Variants in GNAO1 observed in about 807,000 individuals in gnomAD.
GNAO1 encodes the protein G protein subunit alpha o1, also known as guanine nucleotide-binding protein G(o) subunit alpha.
For synonymous variants in GNAO1, 164 were observed against 180.7 expected (o/e 0.91, Z 0.74); for missense variants, 166 against 478.7 (o/e 0.35, Z 6.10).
chr16:56,216,590 G>GT (rs2036438823), intron 2 of GNAO1, among the ~76,000 whole-genome samples: 1 of 152,204 alleles, frequency 6.6e-6, no homozygotes, highest in South Asian at 2.1e-4. Flanking sequence ...CCACCTTGGG[G>GT]TTTTTTACCC....
chr16:56,192,531 G>A (rs777412763), intron 1 of GNAO1, 43 bp from the exon 2 acceptor site: 1 of 1,281,480 alleles, frequency 7.8e-7, no homozygotes, highest in Non-Finnish European at 1.1e-6. Context: ...GTTCCCTTAA[G>A]CTGACACTCA....
At chr16:56,349,484 CG>C (rs1371643105) in intron 6 of GNAO1, among the ~76,000 whole-genome samples, 1 of 152,218 alleles carries the variant, frequency 6.6e-6, no homozygotes, top group Admixed American at 6.5e-5. Context: ...CAGAAGCCTC[CG>C]GCTGCCCTTT....
chr16:56,355,977 GTGC>G (rs2037964537), intron 8 of GNAO1, 123 bp from the exon 9 acceptor site: 1 of 152,280 alleles, frequency 6.6e-6, no homozygotes, highest in Non-Finnish European at 1.5e-5. Context: ...CTGACCCCTC[GTGC>G]TGCTGCCCCA....
At chr16:56,312,535 T>C (rs1306293812) in intron 3 of GNAO1, among the ~76,000 whole-genome samples, 1 of 152,226 alleles carries the variant, frequency 6.6e-6, no homozygotes, top group East Asian at 1.9e-4. Flanking sequence ...CTCAGCCAGC[T>C]CTGACCCCTG....
rs369490809 is a variant in GNAO1, at chr16:56,328,648, G to A, written c.321G>A (p.Val107=). ...CCTCACAGGCTGACGCCAAGATGGTGTGTGATGTGGTGAGTCGGATGGAAG... is the reference window on the plus strand; with the variant it reads ...CCTCACAGGCTGACGCCAAGATGGTATGTGATGTGGTGAGTCGGATGGAAG... ...DKERKADAKM[V]CDVVSRMEDT... is the part of the protein sequence containing the mutation. Residue 107 remains valine, a synonymous_variant, in exon 4 of 9, where the codon GTG becomes GTA. Coordinates refer to ENST00000262493, the MANE Select transcript of GNAO1 (RefSeq NM_020988.3). 1.2e-6 allele frequency: 2 copies of A among 1,614,062 alleles called. No homozygotes were observed. Among genetic ancestry groups the A allele is most frequent in the Admixed American group, 3.3e-5 (2 of 60,012 alleles).
chr16:56,235,355 G>T (rs1174937716), intron 2 of GNAO1: 1 of 456,092 alleles, frequency 2.2e-6, no homozygotes, highest in South Asian at 1.5e-5. Flanking sequence ...AACAGATGAA[G>T]AAGTTGAATC....
chr16:56,340,650 A>C, intron 6 of GNAO1: 2 of 644,502 alleles, frequency 3.1e-6, no homozygotes, highest in Non-Finnish European at 5.5e-6. Flanking sequence ...TGTGGAATGA[A>C]ACAGGACCAC....
chr16:56,249,568 G>T (rs2036780935), intron 2 of GNAO1, among the ~76,000 whole-genome samples: 1 of 152,122 alleles, frequency 6.6e-6, no homozygotes, highest in African/African-American at 2.4e-5. Flanking sequence ...TTGTGTCAAG[G>T]AGCCACTGGC....
At position 56,283,577 on chromosome 16, in the gene GNAO1, C is replaced by T. The variant is rs560195386; in HGVS notation, c.303+7505C>T. Among the ~76,000 whole-genome samples, 6 of 152,256 alleles carry T rather than the reference C, an allele frequency of 3.9e-5. No homozygotes were observed. The East Asian group carries it at 5.8e-4, about 15-fold the overall frequency. ...GTGGTGCCACCTCTACAGTGCAGTG[C>T]GGTTCACCTTGTGGTTTGCATGAAT... On this transcript the variant is annotated intron_variant, in intron 3 of 8. Coordinates refer to ENST00000262493, the MANE Select transcript of GNAO1 (RefSeq NM_020988.3).
intron 2 of GNAO1, among the ~76,000 whole-genome samples, chr16:56,223,797 A>G (rs2143375189): frequency 6.6e-6 from 1 of 152,320 alleles, no homozygotes; most frequent in South Asian, 2.1e-4. Flanking sequence ...TAAGACTTTG[A>G]GTAACTCACC....
At chr16:56,233,943 G>C (rs911864630) in intron 2 of GNAO1, among the ~76,000 whole-genome samples, 1 of 152,168 alleles carries the variant, frequency 6.6e-6, no homozygotes, top group African/African-American at 2.4e-5. Flanking sequence ...AAAATAAACA[G>C]CCCAGATGCT....
Position 56,277,950 on chromosome 16 carries a change from C to G in GNAO1, c.303+1878C>G, listed in dbSNP as rs538948108. Among the ~76,000 whole-genome samples, 3 of 152,304 alleles carry G rather than the reference C, an allele frequency of 2.0e-5. No homozygotes were observed. In the South Asian group the frequency reaches 6.2e-4, roughly 32 times the overall value. ...GCAAAGTCAGTGTGGCTTTGGAATA[C>G]TTTTCTCCTTCCATTTTGGAAAACA... On this transcript the variant is annotated intron_variant, in intron 3 of 8. Coordinates refer to ENST00000262493, the MANE Select transcript of GNAO1 (RefSeq NM_020988.3).
chr16:56,295,887 C>T (rs1331897919), intron 3 of GNAO1, among the ~76,000 whole-genome samples: 2 of 152,236 alleles, frequency 1.3e-5, no homozygotes, highest in Non-Finnish European at 2.9e-5. Flanking sequence ...AGGCAAGGCT[C>T]GGCTGTCACT....
chr16:56,354,998 A>G lies in GNAO1; in HGVS notation c.1010A>G (p.Asp337Gly). The G allele has an allele frequency of 6.2e-7, 1 of 1,613,630 alleles. No individual in the cohort carries two copies. The highest frequency in any genetic ancestry group is 8.5e-7 in the Non-Finnish European group (1 of 1,179,676). Residue 337 changes from aspartate to glycine, a missense_variant, in exon 8 of 9, where the codon GAC becomes GGC. Transcript: ENST00000262493. This position sits in a 1 kb window ranked among gnomAD's most constrained non-coding sequence, Gnocchi z 4.3. ...TDTNNIQVVF[D>G]AVTDIIIANN... ...ACGAATAACATCCAGGTGGTGTTCG[A>G]CGCCGTCACCGACATCATCATTGCC...
intron 3 of GNAO1, among the ~76,000 whole-genome samples, chr16:56,285,253 C>G (rs1374359080): frequency 1.3e-5 from 2 of 152,138 alleles, no homozygotes; most frequent in Non-Finnish European, 2.9e-5. Context: ...CCAACCCCGC[C>G]CCCCACCGCC....
chr16:56,298,493 C>A (rs560349028), intron 3 of GNAO1, among the ~76,000 whole-genome samples: 1 of 152,296 alleles, frequency 6.6e-6, no homozygotes, highest in African/African-American at 2.4e-5. Context: ...TCTGTGTTAC[C>A]CTGACAGTCT....
Position 56,289,033 on chromosome 16 carries a change from A to AAGG in GNAO1, c.303+12961_303+12962insAGG, listed in dbSNP as rs61481553. ...AAGGTTCTTCCTTTGTATCCAAAAA[A>AAGG]GGGGGGGGGAGCGGAAAAAAGAGAA... On this transcript the variant is annotated intron_variant, in intron 3 of 8. Coordinates refer to ENST00000262493, the MANE Select transcript of GNAO1 (RefSeq NM_020988.3). Among the ~76,000 whole-genome samples the AAGG allele has an allele frequency of 3.4e-3, 461 of 136,052 alleles. 2 individuals carry two copies. The highest frequency in any genetic ancestry group is 3.8e-3 in the African/African-American group (143 of 37,338). The allele number at this position is 136,052 out of a possible 152,430, so 89.3% of individuals were successfully genotyped here. A position where few individuals can be genotyped will look rare whatever the true frequency, so the allele number is the denominator to read the frequency against.
chr16:56,211,852 G>T (rs748692889), intron 2 of GNAO1, among the ~76,000 whole-genome samples: 1 of 152,226 alleles, frequency 6.6e-6, no homozygotes, highest in Admixed American at 6.5e-5. Flanking sequence ...ATGGGGAAAT[G>T]CTCTGTGTGT....
At chr16:56,336,398 CCTCATGCGAGGAGGACT>C (rs1431918968) in intron 5 of GNAO1, 1 of 236,374 alleles carries the variant, frequency 4.2e-6, no homozygotes, top group Non-Finnish European at 8.3e-6. Flanking sequence ...AGAGGAGGGT[CCTCATGCGAGGAGGACT>C]CTCAGAGGCA....
Sources: allele counts gnomAD v4.1 joint callset (sites outside exome capture counted in the v4.1 genomes callset), GRCh38; gene constraint gnomAD v4.1.1; non-coding constraint Gnocchi (gnomAD v3.1); transcripts MANE v1.5; gene names NCBI Gene and HGNC (gene_info 2026-07-23, HGNC 2026-07-21).